Variants in NAV2 observed in about 807,000 individuals in gnomAD.
NAV2 encodes the protein helicase, APC down-regulated 1.
A neutral mutation model predicts 223.2 loss-of-function variants in NAV2; 54 were observed. That is an observed-to-expected ratio of 0.24 (90% CI 0.19 to 0.30). The LOEUF (loss-of-function observed/expected upper bound fraction) is 0.30. Ranked by LOEUF, NAV2 falls within the 10% of genes least tolerant of loss-of-function variation. The pLI is 1.00. For synonymous variants in NAV2, 1,279 were observed against 1,239.3 expected, an observed-to-expected ratio of 1.03 and a Z score of -0.67; for missense variants, 2,806 against 3,147.5, an observed-to-expected ratio of 0.89 and a Z score of 2.60.
chr11:19,647,964 C>T (rs193285006), intron 1 of NAV2, among the ~76,000 whole-genome samples: 1 of 152,172 alleles, frequency 6.6e-6, no homozygotes, highest in Non-Finnish European at 1.5e-5. Flanking sequence ...AATGACAACA[C>T]TGAGGCTTAG....
intron 1 of NAV2, among the ~76,000 whole-genome samples, chr11:19,820,556 CA>C (rs1362465279): frequency 6.6e-6 from 1 of 152,134 alleles, no homozygotes. Context: ...TTTGATTTTC[CA>C]GGGAGTTTAC....
chr11:19,886,353 A>T (rs940134588), intron 5 of NAV2, among the ~76,000 whole-genome samples: 1 of 152,114 alleles, frequency 6.6e-6, no homozygotes, highest in African/African-American at 2.4e-5. Flanking sequence ...GCGAGGGGAG[A>T]AACCGTATGG....
intron 1 of NAV2, among the ~76,000 whole-genome samples, chr11:19,767,973 C>T (rs1442919118): frequency 6.6e-6 from 1 of 152,226 alleles, no homozygotes; most frequent in Non-Finnish European, 1.5e-5. Context: ...AGAGAAGCTG[C>T]AGAGCCTGAG....
At chr11:20,051,212 C>A (rs2057972823) in intron 16 of NAV2, 77 bp from the exon 17 acceptor site, 2 of 1,257,610 alleles carry the variant, frequency 1.6e-6, no homozygotes, top group Non-Finnish European at 2.3e-6. Context: ...GCCCTTCAGT[C>A]CCCTCCCTAG....
intron 1 of NAV2, among the ~76,000 whole-genome samples, chr11:19,825,274 A>G (rs1411395664): frequency 7.3e-6 from 1 of 136,774 alleles, no homozygotes; most frequent in Admixed American, 7.7e-5. Context: ...CCTGGGAGAC[A>G]GAGTGAGACT....
intron 1 of NAV2, among the ~76,000 whole-genome samples, chr11:19,481,295 G>A (rs893028282): frequency 6.6e-6 from 1 of 152,042 alleles, no homozygotes; most frequent in Non-Finnish European, 1.5e-5. Flanking sequence ...TATGAACTGT[G>A]GCCTGGAAAC....
chr11:19,587,280 C>G (rs2045931723), intron 1 of NAV2, among the ~76,000 whole-genome samples: 1 of 152,152 alleles, frequency 6.6e-6, no homozygotes, highest in African/African-American at 2.4e-5. Context: ...GCCTGTCACC[C>G]CTTTCTTTGA....
intron 33 of NAV2, 34 bp from the exon 34 acceptor site, chr11:20,103,619 A>G: frequency 6.2e-7 from 1 of 1,610,120 alleles, no homozygotes; most frequent in Non-Finnish European, 8.5e-7. Context: ...TTGGCTTGGA[A>G]TCACAGCTTT....
In NAV2 at chr11:20,100,944, A is replaced by G. The variant is rs780916765; in HGVS notation, c.6189A>G (p.Ala2063=). ...TGTCTCTCTCAAATGCAGGGCTCGCAGAAAACAGCCTGGACTCACTGGTGT... is the reference window on the plus strand; with the variant it reads ...TGTCTCTCTCAAATGCAGGGCTCGCGGAAAACAGCCTGGACTCACTGGTGT... ...TTISVTVKGL[A]ENSLDSLVFE... The change falls in exon 32 of 38, where the codon GCA becomes GCG. Residue 2063 remains alanine (A), a synonymous_variant. Coordinates refer to ENST00000349880, the MANE Select transcript of NAV2 (RefSeq NM_145117.5). The G allele has an allele frequency of 3.5e-5, 57 of 1,613,934 alleles. 1 individual carries two copies. The South Asian group carries it at 5.2e-4, about 15-fold the overall frequency.
At chr11:19,818,833 T>C (rs2059236949) in intron 1 of NAV2, among the ~76,000 whole-genome samples, 1 of 152,228 alleles carries the variant, frequency 6.6e-6, no homozygotes, top group Non-Finnish European at 1.5e-5. Flanking sequence ...ACATGAAATA[T>C]GTTGGTTTTA....
intron 1 of NAV2, among the ~76,000 whole-genome samples, chr11:19,402,607 T>C (rs1224619276): frequency 6.6e-6 from 1 of 152,266 alleles, no homozygotes; most frequent in Non-Finnish European, 1.5e-5. Flanking sequence ...AAATAGATAC[T>C]GCTTTATCCC....
In NAV2 at chr11:20,049,148, G is replaced by C. The variant is rs1422016203; in HGVS notation, c.4323G>C (p.Leu1441Phe). The C allele has an allele frequency of 6.2e-7, 1 of 1,612,154 alleles. No individual in the cohort carries two copies. The highest frequency in any genetic ancestry group is 8.5e-7 in the Non-Finnish European group (1 of 1,179,208). ...TCGCCTCCTCCAAGGACGACTCCTT[G>C]ACTCCCTTTGTCAGAACTAACAGTG... ...GLIASSKDDS[L>F]TPFVRTNSVK... The change falls in exon 15 of 38, where the codon TTG (leucine) becomes TTC (phenylalanine). Residue 1441 changes from leucine (L) to phenylalanine (F), a missense_variant. Transcript: ENST00000349880.
intron 1 of NAV2, among the ~76,000 whole-genome samples, chr11:19,799,833 A>G (rs2058133195): frequency 6.6e-6 from 1 of 152,040 alleles, no homozygotes; most frequent in South Asian, 2.1e-4. Context: ...CCCTTGCTAT[A>G]TTCCACATAT....
At chr11:19,480,446 G>A (rs1185700087) in intron 1 of NAV2, among the ~76,000 whole-genome samples, 1 of 152,146 alleles carries the variant, frequency 6.6e-6, no homozygotes, top group East Asian at 1.9e-4. Context: ...GACTCTGTTT[G>A]CCATTTGCCA....
At chr11:20,000,330 G>A (rs554245456) in intron 11 of NAV2, among the ~76,000 whole-genome samples, 1 of 152,346 alleles carries the variant, frequency 6.6e-6, no homozygotes, top group African/African-American at 2.4e-5. Flanking sequence ...ACTTCTCATG[G>A]AGCCAAGCTA....
chr11:20,077,924 A>C, intron 23 of NAV2, 69 bp from the exon 24 acceptor site: 2 of 1,283,358 alleles, frequency 1.6e-6, no homozygotes, highest in South Asian at 2.5e-5. Context: ...TGTTGAAGCC[A>C]AGTTGTACTT....
chr11:19,789,900 C>T (rs1165210367), intron 1 of NAV2, among the ~76,000 whole-genome samples: 1 of 152,130 alleles, frequency 6.6e-6, no homozygotes, highest in African/African-American at 2.4e-5. Context: ...CTGCAAAGTC[C>T]CGACTTCTTC....
At chr11:19,520,497 T>A (rs1180951427) in intron 1 of NAV2, among the ~76,000 whole-genome samples, 1 of 152,200 alleles carries the variant, frequency 6.6e-6, no homozygotes, top group African/African-American at 2.4e-5. Context: ...CTCCCAATCC[T>A]GTACCTCACT....
At chr11:19,753,338 C>G (rs2053988409) in intron 1 of NAV2, among the ~76,000 whole-genome samples, 1 of 152,096 alleles carries the variant, frequency 6.6e-6, no homozygotes, top group Non-Finnish European at 1.5e-5. Context: ...GCCTCTTTAT[C>G]TTATTTCCAC....
Sources: allele counts gnomAD v4.1 joint callset (sites outside exome capture counted in the v4.1 genomes callset), GRCh38; gene constraint gnomAD v4.1.1; transcripts MANE v1.5; gene names NCBI Gene and HGNC (gene_info 2026-07-23, HGNC 2026-07-21).